The following PLAC1 variants were observed in gnomAD, a reference collection of about 807,000 sequenced individuals.
The protein encoded by PLAC1 is placenta associated 1, also known as placenta-specific protein 1.
For missense variants in PLAC1, 136 were observed against 163.2 expected (o/e 0.83, Z 0.91); for synonymous variants, 68 against 62.1 (o/e 1.09, Z -0.44).
intron 2 of PLAC1, among the ~76,000 whole-genome samples, chrX:134,665,094 GTA>G (rs1235380533): frequency 3.0e-5 from 3 of 99,395 alleles, no homozygotes; most frequent in African/African-American, 3.7e-5. Context: ...GTGTGTGTGT[GTA>G]TGTGAGTGTG....
intron 2 of PLAC1, among the ~76,000 whole-genome samples, chrX:134,570,786 T>C (rs1391920558): frequency 8.9e-6 from 1 of 112,020 alleles, no homozygotes; most frequent in African/African-American, 3.2e-5. Context: ...TCTGTTTTTT[T>C]GTAAATGGAG....
intron 2 of PLAC1, among the ~76,000 whole-genome samples, chrX:134,723,353 G>C (rs1298579609): frequency 9.4e-6 from 1 of 106,801 alleles, no homozygotes; most frequent in African/African-American, 3.4e-5. Flanking sequence ...TGCCACCCAG[G>C]CTGGAGTGCA....
intron 2 of PLAC1, among the ~76,000 whole-genome samples, chrX:134,691,516 C>T (rs2078541631): frequency 9.0e-6 from 1 of 111,246 alleles, no homozygotes; most frequent in Non-Finnish European, 1.9e-5. Context: ...GAGAAAGGAA[C>T]GGCATCAGAC....
At chrX:134,629,710 A>G (rs138586597) in intron 1 of PLAC1, among the ~76,000 whole-genome samples, 1 of 111,553 alleles carries the variant, frequency 9.0e-6, no homozygotes, top group Non-Finnish European at 1.9e-5. Flanking sequence ...TCACTGCTCA[A>G]AAGTCCAGAC....
At chrX:134,686,587 G>A (rs2078517842) in intron 2 of PLAC1, among the ~76,000 whole-genome samples, 1 of 111,538 alleles carries the variant, frequency 9.0e-6, no homozygotes, top group Non-Finnish European at 1.9e-5. Context: ...GGTCAGCAGT[G>A]ATTAGCTTTG....
At chrX:134,643,354 A>C (rs1011918055) in intron 1 of PLAC1, among the ~76,000 whole-genome samples, 9 of 111,793 alleles carry the variant, frequency 8.1e-5, no homozygotes, top group Non-Finnish European at 1.1e-4. Flanking sequence ...AGGAACAGAT[A>C]ATCCCTTTAC....
intron 2 of PLAC1, among the ~76,000 whole-genome samples, chrX:134,680,608 C>CTAAACTAAACTAAACTAAACTAA (rs1569403933): frequency 9.0e-6 from 1 of 111,065 alleles, no homozygotes; most frequent in African/African-American, 3.3e-5. Context: ...CTAAACTAAA[C>CTAAACTAAACTAAACTAAACTAA]ACCTTCCTTC....
intron 1 of PLAC1, among the ~76,000 whole-genome samples, chrX:134,617,043 C>T (rs2078186957): frequency 9.2e-6 from 1 of 108,825 alleles, no homozygotes; most frequent in African/African-American, 3.4e-5. Context: ...GTCAGGAGTG[C>T]ACTGGCACGT....
intron 1 of PLAC1, chrX:134,651,558 T>G (rs2078363118): frequency 8.5e-6 from 1 of 116,963 alleles, no homozygotes; most frequent in African/African-American, 3.2e-5. Context: ...GTATGAGAAC[T>G]CTAATGCCCT....
At chrX:134,591,210 T>C in intron 2 of PLAC1, among the ~76,000 whole-genome samples, 2 of 112,476 alleles carry the variant, frequency 1.8e-5, no homozygotes. Flanking sequence ...CATGAAAATC[T>C]GTCATCTTGG....
intron 2 of PLAC1, among the ~76,000 whole-genome samples, chrX:134,723,191 C>T (rs779715133): frequency 1.7e-3 from 187 of 110,904 alleles, no homozygotes; most frequent in African/African-American, 6.1e-3. Context: ...TCTAATAGTG[C>T]TTTATGGTAA....
chrX:134,608,824 C>T (rs1427863255), intron 1 of PLAC1, among the ~76,000 whole-genome samples: 1 of 108,567 alleles, frequency 9.2e-6, no homozygotes, highest in African/African-American at 3.4e-5. Flanking sequence ...TACAGGCACC[C>T]GCCACCATGT....
chrX:134,687,864 A>C (rs2078523445), intron 2 of PLAC1, among the ~76,000 whole-genome samples: 1 of 58,812 alleles, frequency 1.7e-5, no homozygotes, highest in Non-Finnish European at 3.0e-5. Flanking sequence ...ATATATATAT[A>C]TATAGCACCT....
chrX:134,588,201 C>T (rs987136959), intron 2 of PLAC1, among the ~76,000 whole-genome samples: 2 of 111,306 alleles, frequency 1.8e-5, no homozygotes, highest in Non-Finnish European at 3.8e-5. Flanking sequence ...GGAAAGCTAG[C>T]GATTTTCTAG....
At chrX:134,701,755 C>T (rs747998778) in intron 2 of PLAC1, among the ~76,000 whole-genome samples, 9 of 112,318 alleles carry the variant, frequency 8.0e-5, no homozygotes, top group Non-Finnish European at 1.3e-4. Context: ...CAGTGGCTCA[C>T]GCCTGTAATC....
In PLAC1 at chrX:134,592,710, C is replaced by G. The variant is rs770436584; in HGVS notation, c.-59+9341G>C. On this transcript the variant is annotated intron_variant, in intron 2 of 2. Coordinates refer to ENST00000359237, the MANE Select transcript of PLAC1 (RefSeq NM_021796.4). Reference sequence around the variant, plus strand: ...AATCAATCAATCAATCAATCTCTCTCTCTGTGTCTCTTTTTTTTTTTTTTT... The same window carrying G: ...AATCAATCAATCAATCAATCTCTCTGTCTGTGTCTCTTTTTTTTTTTTTTT... Among the ~76,000 whole-genome samples, 20 of 100,028 alleles carry G rather than the reference C, an allele frequency of 2.0e-4. No individual in the cohort carries two copies. In the East Asian group the frequency reaches 4.7e-3, roughly 24 times the overall value. The allele number at this position is 100,028 out of a possible 115,157, so 86.9% of individuals were successfully genotyped here.
chrX:134,611,572 T>C (rs1372280722), intron 1 of PLAC1, among the ~76,000 whole-genome samples: 5 of 107,696 alleles, frequency 4.6e-5, no homozygotes, highest in Admixed American at 1.0e-4. Context: ...TATGCATATA[T>C]ACATATGTAT....
chrX:134,594,573 T>C (rs1429426818), intron 2 of PLAC1, among the ~76,000 whole-genome samples: 2 of 111,626 alleles, frequency 1.8e-5, no homozygotes, highest in South Asian at 7.4e-4. Context: ...TTAATAGTTA[T>C]GGAGCTACTA....
intron 2 of PLAC1, among the ~76,000 whole-genome samples, chrX:134,721,188 G>A (rs2078656218): frequency 8.9e-6 from 1 of 112,409 alleles, no homozygotes; most frequent in Non-Finnish European, 1.9e-5. Context: ...ATAAGTACAC[G>A]AAAAGATGCT....
Sources: allele counts gnomAD v4.1 joint callset (sites outside exome capture counted in the v4.1 genomes callset), GRCh38; gene constraint gnomAD v4.1.1; transcripts MANE v1.5; gene names NCBI Gene and HGNC (gene_info 2026-07-23, HGNC 2026-07-21).